The following TSPOAP1 variants were observed in gnomAD, a reference collection of about 807,000 sequenced individuals.
TSPOAP1 encodes peripheral-type benzodiazepine receptor-associated protein 1.
A neutral mutation model predicts 197.0 loss-of-function variants in TSPOAP1; 87 were observed. That is an observed-to-expected ratio of 0.44 (90% CI 0.37 to 0.53). TSPOAP1 has a LOEUF of 0.53. Among genes scored for constraint, TSPOAP1 ranks in the 20% least tolerant of loss-of-function variants. TSPOAP1 has a pLI of 0.00. For synonymous variants in TSPOAP1, 913 were observed against 998.9 expected, an observed-to-expected ratio of 0.91 and a Z score of 1.62; for missense variants, 2,174 against 2,411.3, an observed-to-expected ratio of 0.90 and a Z score of 2.06.
At position 58,322,235 on chromosome 17, in the gene TSPOAP1, A is replaced by T; in HGVS notation, c.1422+73T>A. 6.8e-7 allele frequency: 1 copy of T among 1,463,296 alleles called. No homozygotes were observed. The highest frequency in any genetic ancestry group is 1.2e-5 in the South Asian group (1 of 85,924). 90.6% of individuals were successfully genotyped at this position (1,463,296 alleles called of 1,614,324 possible). On this transcript the variant is annotated intron_variant, in intron 10 of 31. Coordinates refer to ENST00000343736, the MANE Select transcript of TSPOAP1 (RefSeq NM_004758.4). This position sits in a 1 kb window ranked among gnomAD's most constrained non-coding sequence, Gnocchi z 5.0. ...CCTAGCACAGTGCCGGGCACACAGT[A>T]AATGCTTGTGGAATGAGTGAGTGGC...
Position 58,322,179 on chromosome 17 carries a change from C to T in TSPOAP1, c.1422+129G>A, listed in dbSNP as rs1971421625. On this transcript the variant is annotated intron_variant, in intron 10 of 31. Transcript: ENST00000343736. The surrounding 1 kb of genome is among the most constrained non-coding windows in gnomAD (Gnocchi z 5.0). Reference sequence around the variant, plus strand: ...GCTAATTTGCTGACTGCTCAGGGACCTGGTCTTTGTTCCCCACAGTCTCCC... The same window carrying T: ...GCTAATTTGCTGACTGCTCAGGGACTTGGTCTTTGTTCCCCACAGTCTCCC... 4.5e-6 allele frequency: 4 copies of T among 893,184 alleles called. No homozygotes were observed. The highest frequency in any genetic ancestry group is 6.9e-6 in the Non-Finnish European group (4 of 580,756). The allele number at this position is 893,184 out of a possible 1,614,324, so 55.3% of individuals were successfully genotyped here.
In TSPOAP1 at chr17:58,326,024, G is replaced by A. The variant is rs1454643086; in HGVS notation, c.570+269C>T. On this transcript the variant is annotated intron_variant, in intron 3 of 31. Transcript: ENST00000343736. The surrounding 1 kb of genome is among the most constrained non-coding windows in gnomAD (Gnocchi z 4.7). ...TGAGCTCAGCAGAAGGCTGCCGCCA[G>A]CACCAGCACGTGGTAATCCAGAATC... Among the ~76,000 whole-genome samples, 3 of 152,200 alleles carry A rather than the reference G, an allele frequency of 2.0e-5. No individual in the cohort carries two copies. Among genetic ancestry groups the A allele is most frequent in the Non-Finnish European group, 4.4e-5 (3 of 68,012 alleles).
rs1396455180 is a variant in TSPOAP1, at chr17:58,308,674, A to G, written c.4598T>C (p.Val1533Ala). The G allele has an allele frequency of 1.2e-6, 2 of 1,612,564 alleles. No homozygotes were observed. Among genetic ancestry groups the G allele is most frequent in the East Asian group, 4.5e-5 (2 of 44,850 alleles). Residue 1533 changes from valine to alanine, a missense_variant, in exon 22 of 32, where the codon GTA becomes GCA. By Grantham distance (64) the Val-to-Ala change is moderately conservative. This residue lies in a region of TSPOAP1 where 1,933 missense variants were observed against 2,139.0 expected (regional missense o/e 0.90). Transcript: ENST00000343736. ...CTTCGGAGGCCCCCTGGGCCTTCCT[A>G]CAGTTGCTGTGCCCCAGGCCTCCCC... ...GDGEAWGTAT[V>A]GRPRGPPKAN...
chr17:58,317,254 C>A (rs780648496), intron 14 of TSPOAP1, among the ~76,000 whole-genome samples: 2 of 152,116 alleles, frequency 1.3e-5, no homozygotes, highest in Non-Finnish European at 2.9e-5. Context: ...GCAAAGCACC[C>A]CAACTGTAAA....
In TSPOAP1 at chr17:58,322,856, C is replaced by A; in HGVS notation, c.1195-80G>T. On this transcript the variant is annotated intron_variant, in intron 8 of 31. Coordinates refer to ENST00000343736, the MANE Select transcript of TSPOAP1 (RefSeq NM_004758.4). The surrounding 1 kb of genome is among the most constrained non-coding windows in gnomAD (Gnocchi z 5.0). ...CCCTCACAGGGGGAACAGTACCCTACCCCTGCTCAGGGGTGGAGGAGAAAG... is the reference window on the plus strand; with the variant it reads ...CCCTCACAGGGGGAACAGTACCCTAACCCTGCTCAGGGGTGGAGGAGAAAG... The A allele has an allele frequency of 6.2e-7, 1 of 1,604,876 alleles. No individual in the cohort carries two copies. The highest frequency in any genetic ancestry group is 8.5e-7 in the Non-Finnish European group (1 of 1,174,376).
At position 58,322,806 on chromosome 17, in the gene TSPOAP1, G is replaced by A. The variant is rs112685014; in HGVS notation, c.1195-30C>T. On this transcript the variant is annotated intron_variant, in intron 8 of 31. Coordinates refer to ENST00000343736, the MANE Select transcript of TSPOAP1 (RefSeq NM_004758.4). This position sits in a 1 kb window ranked among gnomAD's most constrained non-coding sequence, Gnocchi z 5.0. ...CGAGGGGGCAGTGACAGGGAGTTGGGTGGGTGAGCCTTGACCCACCAGCAC... is the reference window on the plus strand; with the variant it reads ...CGAGGGGGCAGTGACAGGGAGTTGGATGGGTGAGCCTTGACCCACCAGCAC... The A allele has an allele frequency of 4.3e-6, 7 of 1,611,616 alleles. No individual in the cohort carries two copies. In the African/African-American group the frequency reaches 5.3e-5, roughly 12 times the overall value.
Position 58,304,735 on chromosome 17 carries a change from A to G in TSPOAP1, c.5544+326T>C, listed in dbSNP as rs1598053770. 7 of 566,074 alleles carry G rather than the reference A, an allele frequency of 1.2e-5. No homozygotes were observed. The East Asian group carries it at 2.1e-4, about 17-fold the overall frequency. 35.1% of individuals were successfully genotyped at this position (566,074 alleles called of 1,614,324 possible). A position where few individuals can be genotyped will look rare whatever the true frequency, so the allele number is the denominator to read the frequency against. On this transcript the variant is annotated intron_variant, in intron 30 of 31. Transcript: ENST00000343736. This position sits in a 1 kb window ranked among gnomAD's most constrained non-coding sequence, Gnocchi z 4.2. ...AGGGTGGGAGTGTCCTGAAACAGGG[A>G]CTTTGATTGGCCACAGGTGTGAGGC...
rs139202824 is a variant in TSPOAP1, at chr17:58,309,208, C to T, written c.4064G>A (p.Arg1355Gln). 3.7e-5 allele frequency: 59 copies of T among 1,613,918 alleles called. No homozygotes were observed. The African/African-American group carries it at 5.5e-4, about 15-fold the overall frequency. The stretch of plus-strand genomic sequence containing the variant: ...TGCAGGTTCAGGCGGGCCAGGGTCT[C>T]GGGAAGAACAGCCTGCCCCTGACTT... ...EEKSGAGCSS[R>Q]DPGPPEPALL... Residue 1355 changes from arginine to glutamine, a missense_variant, in exon 22 of 32, where the codon CGA (arginine) becomes CAA (glutamine). By Grantham distance (43) the Arg-to-Gln change is conservative. Around this residue, in one of 5 missense-constraint regions of TSPOAP1, gnomAD observed 1,933 missense variants for 2,139.0 expected, o/e 0.90. Coordinates refer to ENST00000343736, the MANE Select transcript of TSPOAP1 (RefSeq NM_004758.4). The surrounding 1 kb of genome is among the most constrained non-coding windows in gnomAD (Gnocchi z 5.0).
chr17:58,314,867 GGT>G (rs1398550727), intron 16 of TSPOAP1, among the ~76,000 whole-genome samples: 24 of 152,246 alleles, frequency 1.6e-4, no homozygotes, highest in African/African-American at 5.3e-4. Context: ...GAACAGCCTA[GGT>G]GGCCCAGACA....
rs1224903256 is a variant in TSPOAP1 at position 58,309,401 on chromosome 17, G to A, written c.3892-21C>T. The A allele has an allele frequency of 1.3e-6, 2 of 1,592,892 alleles. No homozygotes were observed. The highest frequency in any genetic ancestry group is 2.2e-5 in the South Asian group (2 of 89,212). On this transcript the variant is annotated intron_variant, in intron 21 of 31. Coordinates refer to ENST00000343736, the MANE Select transcript of TSPOAP1 (RefSeq NM_004758.4). This position sits in a 1 kb window ranked among gnomAD's most constrained non-coding sequence, Gnocchi z 5.0. ...TGGGACTGGTGGAGGTGGGGAGGTG[G>A]GAGTAGAACACAGCAGGGAAGAGAG...
chr17:58,326,232 C>T lies in TSPOAP1; in HGVS notation c.570+61G>A. 1 of 1,601,540 alleles carries T rather than the reference C, an allele frequency of 6.2e-7. No homozygotes were observed. Among genetic ancestry groups the T allele is most frequent in the Non-Finnish European group, 8.5e-7 (1 of 1,173,940 alleles). On this transcript the variant is annotated intron_variant, in intron 3 of 31. Coordinates refer to ENST00000343736, the MANE Select transcript of TSPOAP1 (RefSeq NM_004758.4). This position sits in a 1 kb window ranked among gnomAD's most constrained non-coding sequence, Gnocchi z 4.7. Reference sequence around the variant, plus strand: ...CCAAGCTTCAGACAGCCCTCAGGCCCAGCCCTGGCTCCCCTCTTCCTTGGT... The same window carrying T: ...CCAAGCTTCAGACAGCCCTCAGGCCTAGCCCTGGCTCCCCTCTTCCTTGGT...
Position 58,308,712 on chromosome 17 carries a change from G to T in TSPOAP1, c.4560C>A (p.Cys1520Ter). 1 of 1,613,042 alleles carries T rather than the reference G, an allele frequency of 6.2e-7. No homozygotes were observed. Among genetic ancestry groups the T allele is most frequent in the Non-Finnish European group, 8.5e-7 (1 of 1,179,962 alleles). The change falls in exon 22 of 32, where the codon TGC becomes TGA. Residue 1520 changes from cysteine (C) to a stop codon, truncating the protein, a stop_gained. Coordinates refer to ENST00000343736, the MANE Select transcript of TSPOAP1 (RefSeq NM_004758.4). LOFTEE classifies it high-confidence loss of function. The stretch of plus-strand genomic sequence containing the variant: ...CCCAGGCCTCCCCATCTCCAGGGTA[G>T]CAGGAGCTGGTGATGCTGATGCCCC... ...GSGGISITSS[C>*]YPGDGEAWGT...
Position 58,322,077 on chromosome 17 carries a change from C to T in TSPOAP1, c.1422+231G>A. 3.7e-6 allele frequency: 2 copies of T among 542,724 alleles called. No homozygotes were observed. Among genetic ancestry groups the T allele is most frequent in the Non-Finnish European group, 6.5e-6 (2 of 307,186 alleles). The allele number at this position is 542,724 out of a possible 1,614,324, so 33.6% of individuals were successfully genotyped here. A position where few individuals can be genotyped will look rare whatever the true frequency, so the allele number is the denominator to read the frequency against. On this transcript the variant is annotated intron_variant, in intron 10 of 31. Coordinates refer to ENST00000343736, the MANE Select transcript of TSPOAP1 (RefSeq NM_004758.4). This position sits in a 1 kb window ranked among gnomAD's most constrained non-coding sequence, Gnocchi z 5.0. ...CTCTAAAGTGGCTCCTCACCCCATC[C>T]CAGTCACTTTGTCACATCACCCTGT...
In TSPOAP1 at chr17:58,326,255, G is replaced by C. The variant is rs756002208; in HGVS notation, c.570+38C>G. ...CCCAGCCCTGGCTCCCCTCTTCCTT[G>C]GTCACCCAGCCTCCGCCCAGCAGCC... On this transcript the variant is annotated intron_variant, in intron 3 of 31. Coordinates refer to ENST00000343736, the MANE Select transcript of TSPOAP1 (RefSeq NM_004758.4). The surrounding 1 kb of genome is among the most constrained non-coding windows in gnomAD (Gnocchi z 4.7). The C allele has an allele frequency of 6.2e-7, 1 of 1,610,336 alleles. No homozygotes were observed. Among genetic ancestry groups the C allele is most frequent in the Non-Finnish European group, 8.5e-7 (1 of 1,178,216 alleles).
intron 22 of TSPOAP1, 57 bp from the exon 23 acceptor site, chr17:58,307,998 G>C: frequency 6.7e-7 from 1 of 1,491,458 alleles, no homozygotes; most frequent in Non-Finnish European, 9.1e-7. Flanking sequence ...TGGTGGGCTC[G>C]TGCTCCCCCA....
At position 58,326,249 on chromosome 17, in the gene TSPOAP1, T is replaced by G. The variant is rs1292197690; in HGVS notation, c.570+44A>C. Reference sequence around the variant, plus strand: ...CTCAGGCCCAGCCCTGGCTCCCCTCTTCCTTGGTCACCCAGCCTCCGCCCA... The same window carrying G: ...CTCAGGCCCAGCCCTGGCTCCCCTCGTCCTTGGTCACCCAGCCTCCGCCCA... On this transcript the variant is annotated intron_variant, in intron 3 of 31. Coordinates refer to ENST00000343736, the MANE Select transcript of TSPOAP1 (RefSeq NM_004758.4). This position sits in a 1 kb window ranked among gnomAD's most constrained non-coding sequence, Gnocchi z 4.7. 1.2e-6 allele frequency: 2 copies of G among 1,609,726 alleles called. No individual in the cohort carries two copies.
rs142867070 is a variant in TSPOAP1, at chr17:58,321,193, C to T, written c.1423-612G>A. ...CTCTCAGATCTGCTGCCCCTTCATC[C>T]TTCACCTCACGGAGTATGAAGAGCC... On this transcript the variant is annotated intron_variant, in intron 10 of 31. Coordinates refer to ENST00000343736, the MANE Select transcript of TSPOAP1 (RefSeq NM_004758.4). 3.6e-3 allele frequency among the ~76,000 whole-genome samples: 544 copies of T among 152,286 alleles called. 4 individuals carry two copies. The highest frequency in any genetic ancestry group is 5.1e-3 in the Non-Finnish European group (350 of 68,034).
At chr17:58,306,754 GA>G in intron 25 of TSPOAP1, 45 bp downstream of exon 25, 1 of 1,579,524 alleles carries the variant, frequency 6.3e-7, no homozygotes, top group South Asian at 1.2e-5. Context: ...GGTGGAGTTG[GA>G]AGGGGGCTGG....
In TSPOAP1 at chr17:58,322,868, G is replaced by A. The variant is rs745502539; in HGVS notation, c.1194+82C>T. 1.1e-5 allele frequency: 18 copies of A among 1,603,008 alleles called. No homozygotes were observed. Among genetic ancestry groups the A allele is most frequent in the Non-Finnish European group, 1.4e-5 (17 of 1,173,342 alleles). On this transcript the variant is annotated intron_variant, in intron 8 of 31. Transcript: ENST00000343736. This position sits in a 1 kb window ranked among gnomAD's most constrained non-coding sequence, Gnocchi z 5.0. ...GAACAGTACCCTACCCCTGCTCAGG[G>A]GTGGAGGAGAAAGCCCCTTGGCTGG...
Sources: gnomAD v4.1 joint callset for allele counts (sites outside exome capture counted in the v4.1 genomes callset) on GRCh38, gnomAD v4.1.1 for gene constraint, gnomAD v4.1.1 regional missense constraint, Gnocchi (gnomAD v3.1) non-coding constraint, MANE v1.5 for transcripts, NCBI Gene and HGNC (gene_info 2026-07-23, HGNC 2026-07-21) for gene names.